SYCP2L: variants seen among roughly 807,000 people sequenced by gnomAD.
SYCP2L encodes the protein synaptonemal complex protein 2 like.
A neutral mutation model predicts 125.8 loss-of-function variants in SYCP2L; 98 were observed. That is an observed-to-expected ratio of 0.78 (90% confidence interval 0.66 to 0.92). The LOEUF (loss-of-function observed/expected upper bound fraction) is 0.92. Ranked by LOEUF, SYCP2L falls within the 40% of genes least tolerant of loss-of-function variation. The pLI is 0.00. For synonymous variants in SYCP2L, 317 were observed against 325.4 expected, an observed-to-expected ratio of 0.97 and a Z score of 0.28; for missense variants, 842 against 936.4, an observed-to-expected ratio of 0.90 and a Z score of 1.32.
intron 2 of SYCP2L, among the ~76,000 whole-genome samples, chr6:10,892,463 C>A (rs1376958667): frequency 6.6e-6 from 1 of 152,150 alleles, no homozygotes; most frequent in Non-Finnish European, 1.5e-5. Flanking sequence ...CCACACCTGG[C>A]TAGTTTTTCA....
At chr6:10,923,288 CCA>C (rs2113343054) in intron 14 of SYCP2L, among the ~76,000 whole-genome samples, 1 of 151,882 alleles carries the variant, frequency 6.6e-6, no homozygotes, top group African/African-American at 2.4e-5. Flanking sequence ...TTGGTCTAAG[CCA>C]TTTTCTCTTG....
At chr6:10,971,950 A>G (rs917029355) in intron 29 of SYCP2L, among the ~76,000 whole-genome samples, 15 of 152,240 alleles carry the variant, frequency 9.9e-5, no homozygotes, top group African/African-American at 3.6e-4. Context: ...TGCTGGGATT[A>G]CAGGCATAAG....
chr6:10,924,893 T>G (rs1180531841), intron 15 of SYCP2L, among the ~76,000 whole-genome samples: 1 of 152,210 alleles, frequency 6.6e-6, no homozygotes, highest in Non-Finnish European at 1.5e-5. Context: ...TGTGAACAGC[T>G]GAAAGGTTTT....
chr6:10,924,410 C>T, intron 14 of SYCP2L, 86 bp from the exon 15 acceptor site: 2 of 1,115,128 alleles, frequency 1.8e-6, no homozygotes, highest in Non-Finnish European at 2.4e-6. Context: ...GACAAATACC[C>T]TAGCGTAGTT....
chr6:10,937,356 ATAAAT>A (rs1284998821), intron 21 of SYCP2L, among the ~76,000 whole-genome samples: 11 of 152,250 alleles, frequency 7.2e-5, no homozygotes, highest in African/African-American at 2.2e-4. Context: ...AATGGATCAA[ATAAAT>A]TAAAAGGGAA....
chr6:10,969,715 T>C (rs1383165137), intron 29 of SYCP2L, among the ~76,000 whole-genome samples: 1 of 152,092 alleles, frequency 6.6e-6, no homozygotes, highest in African/African-American at 2.4e-5. Context: ...CGTGCAATAA[T>C]ATATATTACA....
At chr6:10,903,875 A>G (rs1268296655) in intron 8 of SYCP2L, among the ~76,000 whole-genome samples, 1 of 151,980 alleles carries the variant, frequency 6.6e-6, no homozygotes, top group Non-Finnish European at 1.5e-5. Context: ...TTCTCAGGCT[A>G]TATTTTTTCA....
rs373612251 is a variant in SYCP2L, at chr6:10,894,010, T to G, written c.216+6T>G. The G allele has an allele frequency of 6.5e-5, 105 of 1,603,634 alleles. No homozygotes were observed. Among genetic ancestry groups the G allele is most frequent in the Non-Finnish European group, 7.2e-5 (85 of 1,177,388 alleles). ...TTGACAGATCAATAAATAAGGCAAG[T>G]TGGTTTGCTTTGTGACCAAAATACA... On this transcript the variant is annotated splice_donor_region_variant and intron_variant, in intron 3 of 29. Coordinates refer to ENST00000283141, the MANE Select transcript of SYCP2L (RefSeq NM_001040274.3).
chr6:10,930,663 A>G, intron 19 of SYCP2L, 149 bp downstream of exon 19: 1 of 830,240 alleles, frequency 1.2e-6, no homozygotes, highest in Non-Finnish European at 1.8e-6. Flanking sequence ...TGGAAAGGCA[A>G]AATGTACTGT....
At chr6:10,940,893 T>A (rs1781205502) in intron 21 of SYCP2L, among the ~76,000 whole-genome samples, 1 of 152,158 alleles carries the variant, frequency 6.6e-6, no homozygotes, top group Non-Finnish European at 1.5e-5. Flanking sequence ...ATCACAAGAT[T>A]GAGGTGGAAG....
In SYCP2L at chr6:10,971,365, G is replaced by A. The variant is rs903190523; in HGVS notation, c.*38-2587G>A. 6.6e-5 allele frequency among the ~76,000 whole-genome samples: 10 copies of A among 151,284 alleles called. 1 individual carries two copies. The South Asian group carries it at 2.1e-3, about 32-fold the overall frequency. On this transcript the variant is annotated intron_variant, in intron 29 of 29. Transcript: ENST00000283141. ...CCAAGCTACTTGGGAAGCTGAGGCA[G>A]GAGAATCGCTTGAACCTGGGAGGCA... is the stretch of plus-strand genomic sequence containing the variant.
At position 10,930,413 on chromosome 6, in the gene SYCP2L, A is replaced by C. The variant is rs1188184199; in HGVS notation, c.1532A>C (p.Asp511Ala). 1.9e-6 allele frequency: 3 copies of C among 1,613,696 alleles called. No individual in the cohort carries two copies. The South Asian group carries it at 3.3e-5, about 18-fold the overall frequency. The change falls in exon 19 of 30, where the codon GAT becomes GCT. Residue 511 changes from aspartate (D) to alanine (A), a missense_variant. Physicochemically the swap from Asp to Ala is moderately radical, Grantham distance 126. Coordinates refer to ENST00000283141, the MANE Select transcript of SYCP2L (RefSeq NM_001040274.3). ...CATCTCTTCTCTGAGAGTAATCAAG[A>C]TTCAAGTACCAGTGAACTATCTTGG... ...RKHLFSESNQ[D>A]SSTSELSWTS...
intron 21 of SYCP2L, among the ~76,000 whole-genome samples, chr6:10,937,098 C>T (rs1781111507): frequency 6.6e-6 from 1 of 152,200 alleles, no homozygotes; most frequent in South Asian, 2.1e-4. Context: ...ATCTAACTAA[C>T]ATATACAGAA....
Position 10,927,381 on chromosome 6 carries a change from T to G in SYCP2L, c.1440+14T>G. ...TCTGATAGTCACGTAGGTTCTTTTC[T>G]ATTTTCCCTAAGCATCGGCCAGGTT... On this transcript the variant is annotated intron_variant, in intron 17 of 29. Transcript: ENST00000283141. 6.2e-7 allele frequency: 1 copy of G among 1,601,538 alleles called. No individual in the cohort carries two copies. Among genetic ancestry groups the G allele is most frequent in the Non-Finnish European group, 8.5e-7 (1 of 1,170,922 alleles).
At chr6:10,919,082 G>T (rs1780741664) in intron 14 of SYCP2L, among the ~76,000 whole-genome samples, 1 of 152,020 alleles carries the variant, frequency 6.6e-6, no homozygotes, top group African/African-American at 2.4e-5. Flanking sequence ...GGTACATCAG[G>T]GATTTCTTCT....
chr6:10,921,280 T>C (rs1412930272), intron 14 of SYCP2L, among the ~76,000 whole-genome samples: 4 of 152,230 alleles, frequency 2.6e-5, no homozygotes, highest in East Asian at 1.9e-4. Flanking sequence ...CAGTCTATCA[T>C]TGATGGGAAT....
rs1475794819 is a variant in SYCP2L at position 10,924,626 on chromosome 6, A to T, written c.1203A>T (p.Leu401Phe). The change falls in exon 15 of 30, where the codon TTA becomes TTT. Residue 401 changes from leucine to phenylalanine, a missense_variant. By Grantham distance (22) the Leu-to-Phe change is conservative. Coordinates refer to ENST00000283141, the MANE Select transcript of SYCP2L (RefSeq NM_001040274.3). ...FNISQVSIQA[L>F]GEDKQMLPDQ... is the part of the protein sequence containing the mutation. The stretch of plus-strand genomic sequence containing the variant: ...TATCACAAGTTTCCATTCAAGCTTT[A>T]GGAGAAGACAAACAGGTGGCAGGTT... 2 of 1,571,552 alleles carry T rather than the reference A, an allele frequency of 1.3e-6. No individual in the cohort carries two copies. The highest frequency in any genetic ancestry group is 1.4e-5 in the African/African-American group (1 of 72,258).
At chr6:10,910,696 C>G in intron 11 of SYCP2L, 128 bp from the exon 12 acceptor site, 1 of 972,172 alleles carries the variant, frequency 1.0e-6, no homozygotes. Context: ...GGCTTGAAAC[C>G]CCCTATTGTA....
At chr6:10,905,142 C>CAAAAAAAAAAAAAAA (rs34659978) in intron 8 of SYCP2L, among the ~76,000 whole-genome samples, 3 of 54,652 alleles carry the variant, frequency 5.5e-5, no homozygotes, top group Non-Finnish European at 9.6e-5. Context: ...GACTTGGTCT[C>CAAAAAAAAAAAAAAA]AAAAAAAAAA....
Sources: gnomAD v4.1 joint callset for allele counts (sites outside exome capture counted in the v4.1 genomes callset) on GRCh38, gnomAD v4.1.1 for gene constraint, MANE v1.5 for transcripts, NCBI Gene and HGNC (gene_info 2026-07-23, HGNC 2026-07-21) for gene names.